Variants in CHSY3 observed in about 807,000 individuals in gnomAD.
CHSY3 encodes N-acetylgalactosaminyl-proteoglycan 3-beta-glucuronosyltransferase 3.
CHSY3 carries 35 observed loss-of-function variants against 67.2 expected under a neutral mutation model. That is an observed-to-expected ratio of 0.52 (90% CI 0.40 to 0.69). The LOEUF (loss-of-function observed/expected upper bound fraction) is 0.69, where lower values mean the gene tolerates loss of function less well. Ranked by LOEUF, CHSY3 falls within the 30% of genes least tolerant of loss-of-function variation. The probability of loss-of-function intolerance (pLI) is 0.00; values close to 1 mark genes in which losing one functional copy is unlikely to be tolerated. For synonymous variants in CHSY3, 474 were observed against 434.7 expected (o/e 1.09, Z -1.12); for missense variants, 1,069 against 1,138.5 (o/e 0.94, Z 0.88).
chr5:129,959,130 G>A (rs775554707), intron 2 of CHSY3, among the ~76,000 whole-genome samples: 18 of 151,848 alleles, frequency 1.2e-4, no homozygotes, highest in Non-Finnish European at 1.6e-4. Flanking sequence ...GATAATTAAC[G>A]TATTTCGCAT....
intron 2 of CHSY3, among the ~76,000 whole-genome samples, chr5:130,107,451 G>A (rs1046226478): frequency 6.6e-6 from 1 of 151,432 alleles, no homozygotes; most frequent in South Asian, 2.1e-4. Flanking sequence ...TAGTGTGTGT[G>A]TGTGTGTGTT....
At chr5:130,138,462 G>A (rs1019089276) in intron 2 of CHSY3, among the ~76,000 whole-genome samples, 8 of 152,202 alleles carry the variant, frequency 5.3e-5, no homozygotes, top group Non-Finnish European at 1.2e-4. Context: ...GGAACTCAGA[G>A]GCCAGCCAGC....
Position 130,184,670 on chromosome 5 carries a change from G to A in CHSY3, c.1528G>A (p.Ala510Thr). 5 of 1,605,390 alleles carry A rather than the reference G, an allele frequency of 3.1e-6. No individual in the cohort carries two copies. The highest frequency in any genetic ancestry group is 4.3e-6 in the Non-Finnish European group (5 of 1,172,040). ...LQVMEMINENAKSRGRLIDFK... is the reference protein window; with the variant it reads ...LQVMEMINENTKSRGRLIDFK... ...GGTGATGGAGATGATCAATGAGAAT[G>A]CCAAGAGCAGAGGACGGCTCATTGA... is the stretch of plus-strand genomic sequence containing the variant. Residue 510 changes from alanine to threonine, a missense_variant, in exon 3 of 3, where the codon GCC becomes ACC. Around this residue, in one of 5 missense-constraint regions of CHSY3, gnomAD observed 401 missense variants for 395.2 expected, o/e 1.01. Transcript: ENST00000305031.
chr5:129,933,992 C>G lies in CHSY3; in HGVS notation c.1086+25632C>G, dbSNP rs549789709. On this transcript the variant is annotated intron_variant, in intron 2 of 2. Transcript: ENST00000305031. ...GTTTTCAGTGTTGCTTATGCATAAC[C>G]TATCCTTTGACCTAACAATGCCACT... Among the ~76,000 whole-genome samples the G allele has an allele frequency of 1.6e-4, 24 of 152,136 alleles. No homozygotes were observed. The South Asian group carries it at 2.3e-3, about 14-fold the overall frequency.
rs771559874 is a variant in CHSY3 at position 129,904,966 on chromosome 5, C to T, written c.137C>T (p.Ser46Phe). Residue 46 changes from serine (S) to phenylalanine (F), a missense_variant, in exon 1 of 3, where the codon TCC (serine) becomes TTC (phenylalanine). Around this residue, in one of 5 missense-constraint regions of CHSY3, gnomAD observed 309 missense variants for 262.5 expected, o/e 1.18. Transcript: ENST00000305031. ...ERKRRGSSLC[S>F]YYGRSAAGPR... ...AAGAGACGTGGCTCCAGCCTCTGCTCCTACTACGGTCGCTCTGCTGCTGGC... is the reference window on the plus strand; with the variant it reads ...AAGAGACGTGGCTCCAGCCTCTGCTTCTACTACGGTCGCTCTGCTGCTGGC... The T allele has an allele frequency of 3.8e-6, 6 of 1,566,100 alleles. No individual in the cohort carries two copies. The highest frequency in any genetic ancestry group is 4.7e-5 in the East Asian group (2 of 42,658).
intron 2 of CHSY3, among the ~76,000 whole-genome samples, chr5:130,090,517 T>G (rs1766844232): frequency 6.6e-6 from 1 of 152,132 alleles, no homozygotes; most frequent in East Asian, 1.9e-4. Context: ...CGTCTGGTGT[T>G]TCACCTCTCA....
intron 2 of CHSY3, among the ~76,000 whole-genome samples, chr5:130,133,771 TAAAAAAAAAAAAAAAA>T (rs758023976): frequency 3.4e-5 from 2 of 58,120 alleles, no homozygotes; most frequent in South Asian, 1.1e-3. Context: ...GACTCCGTCT[TAAAAAAAAAAAAAAAA>T]AAAAAAAAGA....
chr5:130,143,396 A>G (rs1392475494), intron 2 of CHSY3, among the ~76,000 whole-genome samples: 1 of 152,132 alleles, frequency 6.6e-6, no homozygotes, highest in Non-Finnish European at 1.5e-5. Context: ...GACAGGCCAA[A>G]TTAATCTATG....
intron 2 of CHSY3, among the ~76,000 whole-genome samples, chr5:130,165,838 T>TTTGA (rs1769731973): frequency 6.6e-6 from 1 of 152,116 alleles, no homozygotes; most frequent in Admixed American, 6.6e-5. Flanking sequence ...GAAATATGAT[T>TTTGA]CTGAGTCATT....
At chr5:130,055,614 A>G (rs887297940) in intron 2 of CHSY3, among the ~76,000 whole-genome samples, 2 of 152,128 alleles carry the variant, frequency 1.3e-5, no homozygotes, top group Admixed American at 1.3e-4. Context: ...AGGACATAAA[A>G]TAAGATGACA....
chr5:129,975,919 A>G (rs1013759361), intron 2 of CHSY3, among the ~76,000 whole-genome samples: 3 of 152,122 alleles, frequency 2.0e-5, no homozygotes, highest in African/African-American at 7.2e-5. Context: ...TTATATGGGC[A>G]AGGAGACTGA....
intron 2 of CHSY3, among the ~76,000 whole-genome samples, chr5:129,983,527 T>G (rs1328885354): frequency 1.3e-5 from 2 of 152,116 alleles, no homozygotes; most frequent in Non-Finnish European, 1.5e-5. Flanking sequence ...TTCTTTGATC[T>G]CTGAAGAAAG....
intron 2 of CHSY3, among the ~76,000 whole-genome samples, chr5:130,120,344 G>A (rs1580752287): frequency 6.6e-6 from 1 of 151,810 alleles, no homozygotes; most frequent in Non-Finnish European, 1.5e-5. Context: ...ATAATAGCAC[G>A]ACTTGGACAG....
intron 2 of CHSY3, among the ~76,000 whole-genome samples, chr5:130,152,144 A>T (rs548147531): frequency 6.6e-6 from 1 of 152,342 alleles, no homozygotes; most frequent in East Asian, 1.9e-4. Context: ...ATTTTTGACA[A>T]GCACCCCAGC....
intron 2 of CHSY3, among the ~76,000 whole-genome samples, chr5:130,172,325 C>CTTTTCTTT (rs776751634): frequency 3.3e-5 from 1 of 30,206 alleles, no homozygotes; most frequent in African/African-American, 5.6e-5. Context: ...CTTTTCTTTT[C>CTTTTCTTT]TTTTTTTTTT....
chr5:129,928,451 A>G (rs188360450), intron 2 of CHSY3, among the ~76,000 whole-genome samples: 4 of 152,122 alleles, frequency 2.6e-5, no homozygotes, highest in Admixed American at 2.0e-4. Flanking sequence ...TTTGGATGCT[A>G]TATTTACAGT....
intron 2 of CHSY3, among the ~76,000 whole-genome samples, chr5:129,997,822 G>A (rs542383005): frequency 3.9e-5 from 6 of 151,988 alleles, no homozygotes; most frequent in Non-Finnish European, 7.4e-5. Context: ...CCATGTCCCC[G>A]CAAAGGACAT....
At position 130,027,642 on chromosome 5, in the gene CHSY3, C is replaced by T. The variant is rs553307328; in HGVS notation, c.1086+119282C>T. On this transcript the variant is annotated intron_variant, in intron 2 of 2. Transcript: ENST00000305031. ...CCCCCTCCCCCAACCCCACGACAGT[C>T]CCTGGTGTGTGATGTTCCCCTTCCT... Among the ~76,000 whole-genome samples the T allele has an allele frequency of 2.1e-4, 32 of 149,542 alleles. 1 individual carries two copies. Among genetic ancestry groups the T allele is most frequent in the Middle Eastern group, 3.4e-3 (1 of 294 alleles).
intron 2 of CHSY3, among the ~76,000 whole-genome samples, chr5:130,033,804 T>C (rs1002710107): frequency 1.3e-5 from 2 of 152,198 alleles, no homozygotes; most frequent in Non-Finnish European, 2.9e-5. Flanking sequence ...AATAAAATTT[T>C]TGAGTTTGAT....
Sources: allele counts gnomAD v4.1 joint callset (sites outside exome capture counted in the v4.1 genomes callset), GRCh38; gene constraint gnomAD v4.1.1; regional missense constraint gnomAD v4.1.1; transcripts MANE v1.5; gene names NCBI Gene and HGNC (gene_info 2026-07-23, HGNC 2026-07-21).